The following GATAD2A variants were observed in gnomAD, a reference collection of about 807,000 sequenced individuals.
GATAD2A encodes the protein GATA zinc finger domain containing 2A.
GATAD2A carries 12 observed loss-of-function variants against 68.5 expected under a neutral mutation model. The observed-to-expected ratio is 0.18, with a 90% CI of 0.11 to 0.28. The LOEUF is 0.28. Among genes scored for constraint, GATAD2A ranks in the 10% least tolerant of loss-of-function variants. The pLI, the probability that GATAD2A is intolerant of heterozygous loss-of-function variation, is 1.00. For missense variants in GATAD2A, 755 were observed against 868.5 expected, an observed-to-expected ratio of 0.87 and a Z score of 1.64; for synonymous variants, 410 against 375.3, an observed-to-expected ratio of 1.09 and a Z score of -1.07.
chr19:19,408,481 CA>C (rs1474634328), intron 1 of GATAD2A, among the ~76,000 whole-genome samples: 1 of 152,148 alleles, frequency 6.6e-6, no homozygotes, highest in Non-Finnish European at 1.5e-5. Flanking sequence ...TTAGGATTAG[CA>C]ATAGTTTTTC....
At chr19:19,423,500 G>A (rs2052687280) in intron 1 of GATAD2A, among the ~76,000 whole-genome samples, 1 of 152,244 alleles carries the variant, frequency 6.6e-6, no homozygotes, top group Non-Finnish European at 1.5e-5. Context: ...CCTGGTTCTT[G>A]GGCAAGGCCC....
In GATAD2A at chr19:19,414,530, C is replaced by CTTTTTT. The variant is rs758728889; in HGVS notation, c.-7+8531_-7+8536dup. ...TCAGTTTCCTTCCTCAGGGCCTTGT[C>CTTTTTT]TTTTTTTTTTTTTTTTTTTTTTTTT... On this transcript the variant is annotated intron_variant, in intron 1 of 11. Coordinates refer to ENST00000683918, the MANE Select transcript of GATAD2A (RefSeq NM_001384528.1). Among the ~76,000 whole-genome samples, 324 of 70,184 alleles carry CTTTTTT rather than the reference C, an allele frequency of 4.6e-3. 1 individual carries two copies. The highest frequency in any genetic ancestry group is 5.8e-3 in the Non-Finnish European group (217 of 37,368). 46.0% of individuals were successfully genotyped at this position (70,184 alleles called of 152,430 possible). A position where few individuals can be genotyped will look rare whatever the true frequency, so the allele number is the denominator to read the frequency against.
intron 1 of GATAD2A, among the ~76,000 whole-genome samples, chr19:19,445,449 A>G (rs1265019677): frequency 6.6e-6 from 1 of 152,234 alleles, no homozygotes; most frequent in Non-Finnish European, 1.5e-5. Context: ...TAACGTTTTT[A>G]AAGTGTGTTG....
Position 19,465,365 on chromosome 19 carries a change from G to A in GATAD2A, c.20G>A (p.Arg7Gln), listed in dbSNP as rs773676090. Reference protein sequence around the residue: MTEEACRTRSQKRALER... With the variant: MTEEACQTRSQKRALER... ...TTCAGAATGACCGAAGAAGCATGCC[G>A]AACACGGAGTCAGAAACGAGCGCTT... The change falls in exon 2 of 12, where the codon CGA becomes CAA. Residue 7 changes from arginine to glutamine, a missense_variant. Arg to Gln is a conservative substitution (Grantham distance 43). Transcript: ENST00000683918. The A allele has an allele frequency of 2.0e-5, 33 of 1,613,804 alleles. No homozygotes were observed. Among genetic ancestry groups the A allele is most frequent in the East Asian group, 4.5e-5 (2 of 44,896 alleles).
chr19:19,447,993 A>G (rs2055929524), intron 1 of GATAD2A, among the ~76,000 whole-genome samples: 1 of 152,252 alleles, frequency 6.6e-6, no homozygotes, highest in African/African-American at 2.4e-5. Context: ...CTGAGAGACT[A>G]CAGCCCTGGA....
chr19:19,445,753 CTTTTTATGGCCAAATA>C (rs2147737345), intron 1 of GATAD2A, among the ~76,000 whole-genome samples: 2 of 152,222 alleles, frequency 1.3e-5, no homozygotes, highest in African/African-American at 4.8e-5. Context: ...AGTTTCATTC[CTTTTTATGGCCAAATA>C]ATATTCCATT....
At chr19:19,484,518 C>CTTTTTTTTTTT (rs58628123) in intron 2 of GATAD2A, among the ~76,000 whole-genome samples, 2 of 114,466 alleles carry the variant, frequency 1.7e-5, no homozygotes, top group Admixed American at 9.2e-5. Flanking sequence ...TTTTCTTTTT[C>CTTTTTTTTTTT]TTTTTTTTTT....
chr19:19,431,589 G>A (rs1416098839), intron 1 of GATAD2A, among the ~76,000 whole-genome samples: 1 of 150,692 alleles, frequency 6.6e-6, no homozygotes, highest in African/African-American at 2.4e-5. Flanking sequence ...AGCTGCTCGG[G>A]AGGCTGAGGC....
intron 1 of GATAD2A, among the ~76,000 whole-genome samples, chr19:19,413,513 T>A (rs1437228585): frequency 6.6e-6 from 1 of 152,200 alleles, no homozygotes; most frequent in Non-Finnish European, 1.5e-5. Context: ...GATTCTGTAG[T>A]CAGCTCCTTT....
intron 1 of GATAD2A, among the ~76,000 whole-genome samples, chr19:19,390,413 C>G (rs899664806): frequency 6.6e-6 from 1 of 152,018 alleles, no homozygotes; most frequent in Non-Finnish European, 1.5e-5. Flanking sequence ...GACCAGGAAG[C>G]GCTTGATATT....
chr19:19,456,991 T>A (rs777713781), intron 1 of GATAD2A: 1 of 500,146 alleles, frequency 2.0e-6, no homozygotes, highest in Non-Finnish European at 2.6e-6. Flanking sequence ...TCCCCATGCT[T>A]CTATTAATTA....
chr19:19,503,612 A>G (rs1325976240), intron 11 of GATAD2A, among the ~76,000 whole-genome samples: 1 of 150,810 alleles, frequency 6.6e-6, no homozygotes, highest in Non-Finnish European at 1.5e-5. Context: ...AAGTGTGTGC[A>G]TGTGGGCACG....
intron 1 of GATAD2A, among the ~76,000 whole-genome samples, chr19:19,451,872 G>A (rs749039413): frequency 6.6e-5 from 10 of 152,182 alleles, no homozygotes; most frequent in Non-Finnish European, 1.2e-4. Context: ...TAGAGACAGG[G>A]TCTTGCCCCT....
intron 1 of GATAD2A, among the ~76,000 whole-genome samples, chr19:19,391,819 A>G (rs2146844951): frequency 6.6e-6 from 1 of 152,314 alleles, no homozygotes; most frequent in Admixed American, 6.5e-5. Context: ...CTGTTGATTT[A>G]TGGAACTGAA....
Position 19,501,285 on chromosome 19 carries a change from C to T in GATAD2A, c.1372C>T (p.Arg458Trp). 6.2e-7 allele frequency: 1 copy of T among 1,613,324 alleles called. No homozygotes were observed. Among genetic ancestry groups the T allele is most frequent in the Non-Finnish European group, 8.5e-7 (1 of 1,180,014 alleles). ...KKALKVEHTS[R>W]LKAAFVKALQ... is the part of the protein sequence containing the mutation. ...GGCGCTCAAGGTGGAGCACACCAGCCGGCTGAAGGCCGCCTTTGTGAAGGC... is the reference window on the plus strand; with the variant it reads ...GGCGCTCAAGGTGGAGCACACCAGCTGGCTGAAGGCCGCCTTTGTGAAGGC... The change falls in exon 9 of 12, where the codon CGG becomes TGG. Residue 458 changes from arginine (R) to tryptophan (W), a missense_variant. Physicochemically the swap from Arg to Trp is moderately radical, Grantham distance 101. Transcript: ENST00000683918.
At chr19:19,460,162 T>C (rs1055215471) in intron 1 of GATAD2A, among the ~76,000 whole-genome samples, 1 of 152,154 alleles carries the variant, frequency 6.6e-6, no homozygotes, top group African/African-American at 2.4e-5. Context: ...CTGGTTTGAC[T>C]CTTAGGAAGT....
At chr19:19,418,677 A>G (rs550992039) in intron 1 of GATAD2A, among the ~76,000 whole-genome samples, 1 of 152,286 alleles carries the variant, frequency 6.6e-6, no homozygotes, top group East Asian at 1.9e-4. Flanking sequence ...AAACAACCAC[A>G]TGAATTATTC....
chr19:19,403,506 A>G (rs1332839792), upstream of GATAD2A, among the ~76,000 whole-genome samples: 1 of 151,152 alleles, frequency 6.6e-6, no homozygotes, highest in Non-Finnish European at 1.5e-5. Context: ...TCACCAGTGC[A>G]CCCCTCACTC....
At chr19:19,466,821 A>G (rs1209483897) in intron 2 of GATAD2A, among the ~76,000 whole-genome samples, 3 of 152,216 alleles carry the variant, frequency 2.0e-5, no homozygotes, top group Non-Finnish European at 4.4e-5. Context: ...AAATAAAACT[A>G]TAGGTCCAAG....
Sources: gnomAD v4.1 joint callset for allele counts (sites outside exome capture counted in the v4.1 genomes callset) on GRCh38, gnomAD v4.1.1 for gene constraint, MANE v1.5 for transcripts, NCBI Gene and HGNC (gene_info 2026-07-23, HGNC 2026-07-21) for gene names.